The following HECTD4 variants were observed in gnomAD, a reference collection of about 807,000 sequenced individuals.
HECTD4 encodes HECT domain E3 ubiquitin protein ligase 4.
Under a neutral mutation model 471.5 loss-of-function variants are expected in HECTD4, and 114 were observed. The ratio of observed to expected loss-of-function variants is 0.24; its 90% CI spans 0.21 to 0.28. HECTD4 has a LOEUF of 0.28. Among genes scored for constraint, HECTD4 ranks in the 10% least tolerant of loss-of-function variants. The pLI is 1.00. For synonymous variants in HECTD4, 2,012 were observed against 2,256.0 expected (o/e 0.89, Z 3.07); for missense variants, 3,866 against 5,651.5 (o/e 0.68, Z 10.13).
chr12:112,340,484 G>A lies in HECTD4; in HGVS notation c.178-20742C>T, dbSNP rs559829184. Among the ~76,000 whole-genome samples, 4 of 152,284 alleles carry A rather than the reference G, an allele frequency of 2.6e-5. No individual in the cohort carries two copies. The East Asian group carries it at 7.7e-4, about 29-fold the overall frequency. ...AGGAGGGAGAAACTGTCTTCCAGGT[G>A]GCATCTGGCAAGGTCTAGAGATATT... On this transcript the variant is annotated intron_variant, in intron 1 of 75. Coordinates refer to ENST00000682272, the MANE Select transcript of HECTD4 (RefSeq NM_001388303.1).
chr12:112,200,864 C>G, intron 54 of HECTD4, 66 bp from the exon 55 acceptor site: 1 of 1,394,372 alleles, frequency 7.2e-7, no homozygotes, highest in African/African-American at 1.5e-5. Context: ...TGCGTGCGTG[C>G]GTGTGTGTGT....
intron 3 of HECTD4, among the ~76,000 whole-genome samples, chr12:112,313,467 A>G (rs995770343): frequency 1.4e-5 from 2 of 147,156 alleles, no homozygotes; most frequent in African/African-American, 5.0e-5. Context: ...GTCACCTGCC[A>G]CAATGCCCGG....
intron 18 of HECTD4, 113 bp from the exon 19 acceptor site, chr12:112,259,378 T>G (rs1262834140): frequency 1.1e-5 from 12 of 1,082,672 alleles, no homozygotes; most frequent in Non-Finnish European, 1.6e-5. Context: ...CTTAAACTAC[T>G]TAAGCACTTT....
chr12:112,334,810 CAA>C (rs201647877), intron 1 of HECTD4, among the ~76,000 whole-genome samples: 28 of 67,560 alleles, frequency 4.1e-4, no homozygotes, highest in East Asian at 1.1e-3. Context: ...AACTCTATCT[CAA>C]AAAAAAAAAA....
At chr12:112,270,515 A>G in intron 11 of HECTD4, 56 bp from the exon 12 acceptor site, 2 of 1,398,916 alleles carry the variant, frequency 1.4e-6, no homozygotes, top group Admixed American at 1.7e-5. Context: ...GTGGTCCCCA[A>G]AGAATAGACC....
chr12:112,259,084 G>A, intron 19 of HECTD4, 28 bp downstream of exon 19: 1 of 1,572,722 alleles, frequency 6.4e-7, no homozygotes, highest in Non-Finnish European at 8.6e-7. Context: ...CCAAAAAGCA[G>A]TTCACTTTGG....
rs1594035232 is a variant in HECTD4, at chr12:112,313,004, A to T, written c.916+13T>A. The T allele has an allele frequency of 2.0e-6, 3 of 1,533,976 alleles. No individual in the cohort carries two copies. Among genetic ancestry groups the T allele is most frequent in the Non-Finnish European group, 2.6e-6 (3 of 1,146,184 alleles). Reference sequence around the variant, plus strand: ...TCTTACTATTAATCACAGGACAAAAACTTTTACATTACCTTTATTTTCAGA... The same window carrying T: ...TCTTACTATTAATCACAGGACAAAATCTTTTACATTACCTTTATTTTCAGA... On this transcript the variant is annotated intron_variant, in intron 4 of 75. Coordinates refer to ENST00000682272, the MANE Select transcript of HECTD4 (RefSeq NM_001388303.1).
At chr12:112,354,853 T>C (rs1371669750) in intron 1 of HECTD4, among the ~76,000 whole-genome samples, 1 of 152,128 alleles carries the variant, frequency 6.6e-6, no homozygotes, top group Non-Finnish European at 1.5e-5. Flanking sequence ...TCATAAATAT[T>C]AAGAATTTGA....
At chr12:112,309,816 G>T in intron 4 of HECTD4, 147 bp from the exon 5 acceptor site, 1 of 515,692 alleles carries the variant, frequency 1.9e-6, no homozygotes, top group Non-Finnish European at 3.4e-6. Flanking sequence ...TGACTTTCAG[G>T]GAAGATGGCT....
chr12:112,176,800 C>T, intron 64 of HECTD4, 98 bp from the exon 65 acceptor site: 1 of 967,360 alleles, frequency 1.0e-6, no homozygotes, highest in East Asian at 2.4e-5. Context: ...GCTCCCTCCT[C>T]CAACTTAGGG....
At chr12:112,192,474 G>T in intron 59 of HECTD4, 86 bp downstream of exon 59, 1 of 1,067,626 alleles carries the variant, frequency 9.4e-7, no homozygotes, top group Non-Finnish European at 1.3e-6. Context: ...AACATGCAAG[G>T]TACAAAATTC....
At position 112,226,680 on chromosome 12, in the gene HECTD4, A is replaced by G. The variant is rs2135561505; in HGVS notation, c.6933T>C (p.Val2311=). 1.9e-6 allele frequency: 3 copies of G among 1,613,078 alleles called. No homozygotes were observed. In the East Asian group the frequency reaches 6.7e-5, roughly 36 times the overall value. Residue 2311 remains valine, a synonymous_variant, in exon 44 of 76, where the codon GTT becomes GTC. Transcript: ENST00000682272. The part of the protein sequence containing the change: ...EEFIQQCPAA[V]EVLNLVAQEC... ...CCTGGGCTACTAGGTTAAGAACTTC[A>G]ACAGCTGCTGGACATTGTTGTATGA...
rs879797623 is a variant in HECTD4, at chr12:112,345,267, G to GA, written c.178-25526dup. ...AAGACCCTATCCCCTACCAAAAAAA[G>GA]AAAAAAAAAAAGTGTGATGGAAGAA... On this transcript the variant is annotated intron_variant, in intron 1 of 75. Coordinates refer to ENST00000682272, the MANE Select transcript of HECTD4 (RefSeq NM_001388303.1). Among the ~76,000 whole-genome samples, 573 of 115,596 alleles carry GA rather than the reference G, an allele frequency of 5.0e-3. 3 individuals carry two copies. In the Middle Eastern group the frequency reaches 0.055, roughly 11 times the overall value. The allele number at this position is 115,596 out of a possible 152,430, so 75.8% of individuals were successfully genotyped here. A position where few individuals can be genotyped will look rare whatever the true frequency, so the allele number is the denominator to read the frequency against.
chr12:112,243,635 G>A lies in HECTD4; in HGVS notation c.4776C>T (p.Thr1592=). 6.2e-7 allele frequency: 1 copy of A among 1,611,752 alleles called. No individual in the cohort carries two copies. Among genetic ancestry groups the A allele is most frequent in the Non-Finnish European group, 8.5e-7 (1 of 1,178,802 alleles). Residue 1592 remains threonine, a synonymous_variant, in exon 31 of 76, where the codon ACC becomes ACT. Transcript: ENST00000682272. This position sits in a 1 kb window ranked among gnomAD's most constrained non-coding sequence, Gnocchi z 6.6. Reference sequence around the variant, plus strand: ...TGTGACGTACAGCTTGGTCAGGGTTGGTGCCGATGAAAGCAAACAGCTGCC... The same window carrying A: ...TGTGACGTACAGCTTGGTCAGGGTTAGTGCCGATGAAAGCAAACAGCTGCC... ...LLGQLFAFIG[T]NPDQAVSSSS...
At chr12:112,359,251 C>T (rs1341373001) in intron 1 of HECTD4, among the ~76,000 whole-genome samples, 2 of 150,436 alleles carry the variant, frequency 1.3e-5, no homozygotes, top group Non-Finnish European at 3.0e-5. Context: ...TTACCTGGGA[C>T]CTAGTTAGAA....
chr12:112,365,214 C>A (rs1033305414), intron 1 of HECTD4, among the ~76,000 whole-genome samples: 1 of 151,778 alleles, frequency 6.6e-6, no homozygotes, highest in Non-Finnish European at 1.5e-5. Context: ...TTTACTTAAC[C>A]CATTATATAT....
Position 112,231,538 on chromosome 12 carries a change from G to A in HECTD4, c.6175C>T (p.Arg2059Ter), listed in dbSNP as rs978615217. ...CTTGCAAGCTCCGAGTTCCTCTCTC[G>A]GCAAATGGAAGTTTGGGCAGTTTTC... is the stretch of plus-strand genomic sequence containing the variant. ...KKKTAQTSIC[R>*]ERNSELARTD... The change falls in exon 39 of 76, where the codon CGA becomes TGA. Residue 2059 changes from arginine to a stop codon, truncating the protein, a stop_gained. Transcript: ENST00000682272. LOFTEE classifies it high-confidence loss of function. 6.2e-7 allele frequency: 1 copy of A among 1,613,988 alleles called. No individual in the cohort carries two copies. Among genetic ancestry groups the A allele is most frequent in the Non-Finnish European group, 8.5e-7 (1 of 1,179,878 alleles).
At chr12:112,360,465 T>C (rs1480237271) in intron 1 of HECTD4, among the ~76,000 whole-genome samples, 1 of 152,216 alleles carries the variant, frequency 6.6e-6, no homozygotes, top group Non-Finnish European at 1.5e-5. Context: ...AATAAAGTTT[T>C]CCTTGAGGGG....
chr12:112,230,626 G>T, intron 40 of HECTD4, 61 bp downstream of exon 40: 1 of 1,514,870 alleles, frequency 6.6e-7, no homozygotes, highest in South Asian at 1.3e-5. Context: ...TGCTGGGTAT[G>T]ATTCTAATTC....
Sources: allele counts gnomAD v4.1 joint callset (sites outside exome capture counted in the v4.1 genomes callset), GRCh38; gene constraint gnomAD v4.1.1; non-coding constraint Gnocchi (gnomAD v3.1); transcripts MANE v1.5; gene names NCBI Gene and HGNC (gene_info 2026-07-23, HGNC 2026-07-21).